Variants in SORBS3 observed in about 807,000 individuals in gnomAD.
The protein encoded by SORBS3 is sorbin and SH3 domain containing 3.
Under a neutral mutation model 98.0 loss-of-function variants are expected in SORBS3, and 69 were observed. The observed-to-expected ratio is 0.70, with a 90% CI of 0.58 to 0.86. SORBS3 has a LOEUF of 0.86. SORBS3 is among the 40% of genes least tolerant of loss of function. The pLI is 0.00. For missense variants in SORBS3, 954 were observed against 908.5 expected (o/e 1.05, Z -0.64); for synonymous variants, 394 against 355.4 (o/e 1.11, Z -1.22).
chr8:22,554,830 C>T lies in SORBS3; in HGVS notation c.103-33C>T, dbSNP rs776822316. On this transcript the variant is annotated intron_variant, in intron 2 of 20. Transcript: ENST00000240123. The surrounding 1 kb of genome is among the most constrained non-coding windows in gnomAD (Gnocchi z 6.5). Reference sequence around the variant, plus strand: ...CATCCCTCCCTCCCGCCCTGCTGGGCCCTGAGCTGCCGCTCCTGGCCCCTC... The same window carrying T: ...CATCCCTCCCTCCCGCCCTGCTGGGTCCTGAGCTGCCGCTCCTGGCCCCTC... The T allele has an allele frequency of 1.7e-6, 2 of 1,199,316 alleles. No individual in the cohort carries two copies. Among genetic ancestry groups the T allele is most frequent in the Admixed American group, 3.4e-5 (2 of 58,448 alleles). 74.3% of individuals were successfully genotyped at this position (1,199,316 alleles called of 1,614,324 possible).
At chr8:22,556,578 A>C in intron 3 of SORBS3, 137 bp from the exon 4 acceptor site, 1 of 717,338 alleles carries the variant, frequency 1.4e-6, no homozygotes, top group Non-Finnish European at 2.4e-6. Flanking sequence ...TGGTGCTCTG[A>C]GTCATCCACT....
At chr8:22,563,374 G>A (rs1349645032) in intron 7 of SORBS3, among the ~76,000 whole-genome samples, 1 of 152,222 alleles carries the variant, frequency 6.6e-6, no homozygotes, top group Non-Finnish European at 1.5e-5. Context: ...ATGTGTCCAT[G>A]CTGTACTGCA....
In SORBS3 at chr8:22,566,481, C is replaced by T; in HGVS notation, c.1087C>T (p.Arg363Ter). The T allele has an allele frequency of 6.2e-7, 1 of 1,613,514 alleles. No individual in the cohort carries two copies. The highest frequency in any genetic ancestry group is 8.5e-7 in the Non-Finnish European group (1 of 1,179,690). Residue 363 changes from arginine to a stop codon, truncating the protein, a stop_gained, in exon 13 of 21, where the codon CGA becomes TGA. Transcript: ENST00000240123. LOFTEE classifies it high-confidence loss of function. The part of the protein sequence containing the change: ...RRDFVYPSST[R>*]DPSASNGGGS... ...GGACTTTGTCTACCCTTCCTCAACC[C>T]GAGGTAAGGACCCAGCCCTGCTCTC...
At chr8:22,555,020 C>A in intron 3 of SORBS3, 40 bp downstream of exon 3, 1 of 1,542,794 alleles carries the variant, frequency 6.5e-7, no homozygotes, top group South Asian at 1.1e-5. Flanking sequence ...GATGGAGGGT[C>A]AGGGCCCTGC....
rs1840698757 is a variant in SORBS3 at position 22,575,076 on chromosome 8, T to G, written c.*348T>G. On this transcript the variant is annotated 3_prime_UTR_variant, in exon 21 of 21. Coordinates refer to ENST00000240123, the MANE Select transcript of SORBS3 (RefSeq NM_005775.5). ...AGCGTTTCCTCTAACAGGGACCAGC[T>G]CTCCGCTTTGCCCCCACGGGGTTCC... 2 of 443,242 alleles carry G rather than the reference T, an allele frequency of 4.5e-6. No individual in the cohort carries two copies. Among genetic ancestry groups the G allele is most frequent in the Non-Finnish European group, 8.8e-6 (2 of 227,292 alleles). The allele number at this position is 443,242 out of a possible 1,614,324, so 27.5% of individuals were successfully genotyped here.
In SORBS3 at chr8:22,556,895, T is replaced by C. The variant is rs761881692; in HGVS notation, c.401T>C (p.Ile134Thr). Residue 134 changes from isoleucine (I) to threonine (T), a missense_variant, in exon 4 of 21, where the codon ATT (isoleucine) becomes ACT (threonine). By Grantham distance (89) the Ile-to-Thr change is moderately conservative. Transcript: ENST00000240123. ...IGPVDESGMP[I>T]APRSSVDRPR... ...CCCGTGGACGAGAGCGGCATGCCCA[T>C]TGCCCCCCGATCCGTGAGTCCAGGG... is the stretch of plus-strand genomic sequence containing the variant. The C allele has an allele frequency of 6.2e-7, 1 of 1,612,806 alleles. No individual in the cohort carries two copies. Among genetic ancestry groups the C allele is most frequent in the Non-Finnish European group, 8.5e-7 (1 of 1,179,996 alleles).
upstream of SORBS3, among the ~76,000 whole-genome samples, chr8:22,551,360 G>A (rs888036003): frequency 4.6e-5 from 7 of 152,012 alleles, no homozygotes; most frequent in Non-Finnish European, 1.0e-4. The surrounding 1 kb of genome is among the most constrained non-coding windows in gnomAD (Gnocchi z 5.8). Flanking sequence ...CTCTGCCTGC[G>A]GGGCGCCCTC....
rs1427035334 is a variant in SORBS3 at position 22,566,276 on chromosome 8, C to A, written c.951-69C>A. On this transcript the variant is annotated intron_variant, in intron 12 of 20. Transcript: ENST00000240123. ...GGATGGGGGCGATGGGGGGTCAGAG[C>A]GGTCTAGGGGTGACCAGGGTGGGGT... 7 of 1,513,648 alleles carry A rather than the reference C, an allele frequency of 4.6e-6. No homozygotes were observed. In the Middle Eastern group the frequency reaches 5.3e-4, roughly 115 times the overall value. The allele number at this position is 1,513,648 out of a possible 1,614,324, so 93.8% of individuals were successfully genotyped here.
At chr8:22,548,140 A>G (rs1840035442), upstream of SORBS3, among the ~76,000 whole-genome samples, 1 of 152,136 alleles carries the variant, frequency 6.6e-6, no homozygotes, top group African/African-American at 2.4e-5. Context: ...CAGTGACTCT[A>G]CCAGAAATCT....
Position 22,566,707 on chromosome 8 carries a change from G to A in SORBS3, c.1137G>A (p.Glu379=), listed in dbSNP as rs963915315. 29 of 1,612,652 alleles carry A rather than the reference G, an allele frequency of 1.8e-5. No homozygotes were observed. The highest frequency in any genetic ancestry group is 2.4e-5 in the Non-Finnish European group (28 of 1,179,568). The stretch of plus-strand genomic sequence containing the variant: ...GGGGCAGCCCAGCCAGGAGGGAAGA[G>A]AAGAAGGTAAGGAGGGGACCAGGTG... The part of the protein sequence containing the change: ...NGGGSPARRE[E]KKRKAARLKF... The change falls in exon 14 of 21, where the codon GAG becomes GAA. Residue 379 remains glutamate (E), a synonymous_variant. Transcript: ENST00000240123.
Position 22,575,083 on chromosome 8 carries a change from T to C in SORBS3, c.*355T>C. The C allele has an allele frequency of 2.3e-6, 1 of 426,682 alleles. No individual in the cohort carries two copies. The highest frequency in any genetic ancestry group is 4.6e-6 in the Non-Finnish European group (1 of 217,582). 26.4% of individuals were successfully genotyped at this position (426,682 alleles called of 1,614,324 possible). ...CCTCTAACAGGGACCAGCTCTCCGC[T>C]TTGCCCCCACGGGGTTCCTCTAACC... is the stretch of plus-strand genomic sequence containing the variant. On this transcript the variant is annotated 3_prime_UTR_variant, in exon 21 of 21. Coordinates refer to ENST00000240123, the MANE Select transcript of SORBS3 (RefSeq NM_005775.5).
chr8:22,554,513 G>C lies in SORBS3; in HGVS notation c.7G>C (p.Gly3Arg). Residue 3 changes from glycine to arginine, a missense_variant, in exon 2 of 21, where the codon GGC becomes CGC. Coordinates refer to ENST00000240123, the MANE Select transcript of SORBS3 (RefSeq NM_005775.5). The surrounding 1 kb of genome is among the most constrained non-coding windows in gnomAD (Gnocchi z 6.5). ...CTCCCACCTTGACCCAAGCATGCAGGGCCCACCCCGCAGCCTCCGCGCTGG... is the reference window on the plus strand; with the variant it reads ...CTCCCACCTTGACCCAAGCATGCAGCGCCCACCCCGCAGCCTCCGCGCTGG... MQ[G>R]PPRSLRAGLS... 1 of 1,611,484 alleles carries C rather than the reference G, an allele frequency of 6.2e-7. No individual in the cohort carries two copies. The highest frequency in any genetic ancestry group is 1.1e-5 in the South Asian group (1 of 91,032).
chr8:22,569,234 C>T lies in SORBS3; in HGVS notation c.1392C>T (p.Thr464=). Residue 464 remains threonine, a synonymous_variant, in exon 17 of 21, where the codon ACC becomes ACT. Coordinates refer to ENST00000240123, the MANE Select transcript of SORBS3 (RefSeq NM_005775.5). ...ATGGAGAGGCTGTGGCCCAGTACAC[C>T]TTCAAGGGGGACCTGGAGGTGGAGC... ...LEYGEAVAQY[T]FKGDLEVELS... 7 of 1,608,612 alleles carry T rather than the reference C, an allele frequency of 4.4e-6. No individual in the cohort carries two copies. The highest frequency in any genetic ancestry group is 5.9e-6 in the Non-Finnish European group (7 of 1,177,372).
chr8:22,545,963 C>G (rs1389385637), intron 1 of SORBS3, among the ~76,000 whole-genome samples: 2 of 152,196 alleles, frequency 1.3e-5, no homozygotes, highest in Non-Finnish European at 2.9e-5. Context: ...AGGCATTTTC[C>G]AAGAAGGGGC....
chr8:22,571,050 C>T lies in SORBS3; in HGVS notation c.1572C>T (p.Gly524=), dbSNP rs375253648. Residue 524 remains glycine (G), a synonymous_variant, in exon 18 of 21, where the codon GGC becomes GGT. Transcript: ENST00000240123. Reference sequence around the variant, plus strand: ...CCCGGCTCCGGCTCTGTGACGACGGCCCCCAGCTCCCCACGTCTCCCCGCC... The same window carrying T: ...CCCGGCTCCGGCTCTGTGACGACGGTCCCCAGCTCCCCACGTCTCCCCGCC... ...REPRLRLCDD[G]PQLPTSPRLT... 1.6e-4 allele frequency: 260 copies of T among 1,613,014 alleles called. No individual in the cohort carries two copies. The highest frequency in any genetic ancestry group is 2.1e-4 in the Non-Finnish European group (249 of 1,179,838).
intron 16 of SORBS3, among the ~76,000 whole-genome samples, chr8:22,567,782 G>A (rs1161256207): frequency 2.6e-5 from 4 of 152,008 alleles, no homozygotes; most frequent in Non-Finnish European, 5.9e-5. Context: ...CTGGCATAAA[G>A]GTGTTCATTA....
intron 1 of SORBS3, among the ~76,000 whole-genome samples, chr8:22,552,934 A>C (rs1430552621): frequency 6.6e-6 from 1 of 151,246 alleles, no homozygotes; most frequent in Non-Finnish European, 1.5e-5. Flanking sequence ...TCAGCCCTCC[A>C]CTCCCCCCAG....
intron 3 of SORBS3, 122 bp from the exon 4 acceptor site, chr8:22,556,593 C>G (rs1214985614): frequency 1.2e-6 from 1 of 822,194 alleles, no homozygotes; most frequent in Non-Finnish European, 2.0e-6. Flanking sequence ...TCCACTCAAA[C>G]AAACAAGGCG....
intron 10 of SORBS3, 142 bp from the exon 11 acceptor site, chr8:22,565,126 G>A (rs1294712349): frequency 6.8e-7 from 1 of 1,466,108 alleles, no homozygotes; most frequent in South Asian, 1.4e-5. Flanking sequence ...ACACCTCCTG[G>A]CAGGAGCCCG....
Sources: gnomAD v4.1 joint callset for allele counts (sites outside exome capture counted in the v4.1 genomes callset) on GRCh38, gnomAD v4.1.1 for gene constraint, Gnocchi (gnomAD v3.1) non-coding constraint, MANE v1.5 for transcripts, NCBI Gene and HGNC (gene_info 2026-07-23, HGNC 2026-07-21) for gene names.